BRCA2: variants seen among roughly 807,000 people sequenced by gnomAD.
The protein encoded by BRCA2 is BRCA2 DNA repair associated, also known as breast cancer type 2 susceptibility protein.
A neutral mutation model predicts 276.7 loss-of-function variants in BRCA2; 203 were observed. The observed-to-expected ratio is 0.73, with a 90% confidence interval of 0.65 to 0.82. BRCA2 has a LOEUF of 0.82. BRCA2 is among the 40% of genes least tolerant of loss of function. The probability of loss-of-function intolerance (pLI) is 0.00; values close to 1 mark genes in which losing one functional copy is unlikely to be tolerated. For missense variants in BRCA2, 3,920 were observed against 3,915.0 expected, an observed-to-expected ratio of 1.00 and a Z score of -0.03; for synonymous variants, 1,289 against 1,338.4, an observed-to-expected ratio of 0.96 and a Z score of 0.81.
intron 24 of BRCA2, among the ~76,000 whole-genome samples, chr13:32,391,898 A>G (rs1449137157): frequency 2.0e-5 from 3 of 152,216 alleles, no homozygotes; most frequent in Non-Finnish European, 2.9e-5. Flanking sequence ...TAAAAGTGCA[A>G]TGAGGAAACT....
chr13:32,338,320 A>C lies in BRCA2; in HGVS notation c.3965A>C (p.Asn1322Thr), dbSNP rs80358646. 8.8e-6 allele frequency: 14 copies of C among 1,585,318 alleles called. No individual in the cohort carries two copies. Among genetic ancestry groups the C allele is most frequent in the Non-Finnish European group, 1.2e-5 (14 of 1,168,612 alleles). ...AAGAGAAATACTGAAAATGAAGATA[A>C]CAAATATACTGCTGCCAGTAGAAAT... Reference protein sequence around the residue: ...NYKRNTENEDNKYTAASRNSH... With the variant: ...NYKRNTENEDTKYTAASRNSH... Residue 1322 changes from asparagine (N) to threonine (T), a missense_variant, in exon 11 of 27, where the codon AAC becomes ACC. By Grantham distance (65) the Asn-to-Thr change is moderately conservative. This residue lies in a region of BRCA2 where 3,263 missense variants were observed against 3,156.9 expected (regional missense o/e 1.03). Coordinates refer to ENST00000380152, the MANE Select transcript of BRCA2 (RefSeq NM_000059.4).
At position 32,339,149 on chromosome 13, in the gene BRCA2, C is replaced by T. The variant is rs1294850148; in HGVS notation, c.4794C>T (p.Leu1598=). Residue 1598 remains leucine, a synonymous_variant, in exon 11 of 27, where the codon CTC becomes CTT. Transcript: ENST00000380152. ...APKCKEMQNS[L]NNDKNLVSIE... The stretch of plus-strand genomic sequence containing the variant: ...AGTGTAAAGAAATGCAGAATTCTCT[C>T]AATAATGATAAAAACCTTGTTTCTA... The T allele has an allele frequency of 1.9e-6, 3 of 1,613,900 alleles. No homozygotes were observed. The highest frequency in any genetic ancestry group is 3.3e-5 in the Admixed American group (2 of 60,014).
Position 32,337,279 on chromosome 13 carries a change from T to G in BRCA2, c.2924T>G (p.Ile975Ser), listed in dbSNP as rs398122756. 6.2e-7 allele frequency: 1 copy of G among 1,611,980 alleles called. No individual in the cohort carries two copies. The highest frequency in any genetic ancestry group is 1.7e-5 in the Admixed American group (1 of 59,624). The change falls in exon 11 of 27, where the codon ATC becomes AGC. Residue 975 changes from isoleucine (I) to serine (S), a missense_variant. Around this residue, in one of 2 missense-constraint regions of BRCA2, gnomAD observed 3,263 missense variants for 3,156.9 expected, o/e 1.03. Coordinates refer to ENST00000380152, the MANE Select transcript of BRCA2 (RefSeq NM_000059.4). ...MTLGQDLKSD[I>S]SLNIDKIPEK... ...CTAGGTCAAGATTTAAAATCGGACA[T>G]CTCCTTGAATATAGATAAAATACCA...
chr13:32,355,251 A>T lies in BRCA2; in HGVS notation c.7398A>T (p.Val2466=), dbSNP rs863224311. 1 of 1,613,424 alleles carries T rather than the reference A, an allele frequency of 6.2e-7. No individual in the cohort carries two copies. The highest frequency in any genetic ancestry group is 8.5e-7 in the Non-Finnish European group (1 of 1,179,570). ...QFNKNNSNQA[V]AVTFTKCEEE... ...ACAAAAACAACTCCAATCAAGCAGT[A>T]GCTGTAACTTTCACAAAGTGTGAAG... Residue 2466 remains valine, a synonymous_variant, in exon 14 of 27, where the codon GTA becomes GTT. Coordinates refer to ENST00000380152, the MANE Select transcript of BRCA2 (RefSeq NM_000059.4).
At chr13:32,354,463 C>T (rs944714758) in intron 13 of BRCA2, among the ~76,000 whole-genome samples, 6 of 151,846 alleles carry the variant, frequency 4.0e-5, no homozygotes, top group African/African-American at 9.7e-5. Context: ...GAAAAGGGAG[C>T]GAGGTGGGAT....
chr13:32,344,135 T>A (rs1342238202), intron 11 of BRCA2, among the ~76,000 whole-genome samples: 1 of 149,132 alleles, frequency 6.7e-6, no homozygotes, highest in Admixed American at 6.7e-5. Flanking sequence ...CATAATAAAT[T>A]ACTCCTTCAG....
rs80358897 is a variant in BRCA2, at chr13:32,329,484, A to G, written c.673A>G (p.Thr225Ala). Residue 225 changes from threonine to alanine, a missense_variant, in exon 8 of 27, where the codon ACT (threonine) becomes GCT (alanine). By Grantham distance (58) the Thr-to-Ala change is moderately conservative. This residue lies in a region of BRCA2 where 3,263 missense variants were observed against 3,156.9 expected (regional missense o/e 1.03). Coordinates refer to ENST00000380152, the MANE Select transcript of BRCA2 (RefSeq NM_000059.4). ...EASETVFPHD[T>A]TANVKSYFSN... Reference sequence around the variant, plus strand: ...ATCTGAAACTGTATTTCCTCATGATACTACTGCTGTAAGTAAATATGACAT... The same window carrying G: ...ATCTGAAACTGTATTTCCTCATGATGCTACTGCTGTAAGTAAATATGACAT... The G allele has an allele frequency of 1.9e-6, 3 of 1,597,040 alleles. No individual in the cohort carries two copies. Among genetic ancestry groups the G allele is most frequent in the African/African-American group, 1.3e-5 (1 of 74,584 alleles).
At chr13:32,318,634 G>C (rs1593882050) in intron 2 of BRCA2, among the ~76,000 whole-genome samples, 1 of 152,060 alleles carries the variant, frequency 6.6e-6, no homozygotes, top group African/African-American at 2.4e-5. Flanking sequence ...GTAAAGATGG[G>C]GTTTCAACGT....
At chr13:32,373,016 A>C (rs898366566) in intron 20 of BRCA2, among the ~76,000 whole-genome samples, 2 of 149,974 alleles carry the variant, frequency 1.3e-5, no homozygotes, top group Non-Finnish European at 3.0e-5. Context: ...TTTTTGAGAC[A>C]GGGTCTTGCT....
At chr13:32,397,483 C>G (rs1006471423) in intron 26 of BRCA2, among the ~76,000 whole-genome samples, 2 of 152,162 alleles carry the variant, frequency 1.3e-5, no homozygotes, top group African/African-American at 2.4e-5. Flanking sequence ...CATAACAACC[C>G]TATGAGATAA....
In BRCA2 at chr13:32,363,468, G is replaced by A. The variant is rs1157308308; in HGVS notation, c.8266G>A (p.Ala2756Thr). The change falls in exon 18 of 27, where the codon GCA (alanine) becomes ACA (threonine). Residue 2756 changes from alanine (A) to threonine (T), a missense_variant. Physicochemically the swap from Ala to Thr is moderately conservative, Grantham distance 58. Transcript: ENST00000380152. Reference sequence around the variant, plus strand: ...TGGTCAGAAGATTATTCTTCATGGAGCAGAACTGGTGGGCTCTCCTGATGC... The same window carrying A: ...TGGTCAGAAGATTATTCTTCATGGAACAGAACTGGTGGGCTCTCCTGATGC... Reference protein sequence around the residue: ...TVGQKIILHGAELVGSPDACT... With the variant: ...TVGQKIILHGTELVGSPDACT... 1 of 1,614,138 alleles carries A rather than the reference G, an allele frequency of 6.2e-7. No homozygotes were observed. The highest frequency in any genetic ancestry group is 2.2e-5 in the East Asian group (1 of 44,878).
Position 32,338,962 on chromosome 13 carries a change from A to G in BRCA2, c.4607A>G (p.Lys1536Arg). The G allele has an allele frequency of 6.2e-7, 1 of 1,613,906 alleles. No individual in the cohort carries two copies. Among genetic ancestry groups the G allele is most frequent in the African/African-American group, 1.3e-5 (1 of 75,036 alleles). The change falls in exon 11 of 27, where the codon AAG becomes AGG. Residue 1536 changes from lysine (K) to arginine (R), a missense_variant. Physicochemically the swap from Lys to Arg is conservative, Grantham distance 26. Transcript: ENST00000380152. ...TASGKKVKIAKESLDKVKNLF... is the reference protein window; with the variant it reads ...TASGKKVKIARESLDKVKNLF... ...AGCGGGAAAAAAGTTAAAATTGCAA[A>G]GGAATCTTTGGACAAAGTGAAAAAC...
intron 24 of BRCA2, among the ~76,000 whole-genome samples, chr13:32,382,276 C>T (rs759395269): frequency 2.6e-5 from 4 of 152,110 alleles, no homozygotes; most frequent in Non-Finnish European, 4.4e-5. Context: ...CATTTAAAGC[C>T]GTGAGACTGG....
chr13:32,356,064 CAG>C (rs987999124), intron 14 of BRCA2, among the ~76,000 whole-genome samples: 4 of 148,550 alleles, frequency 2.7e-5, no homozygotes, highest in Non-Finnish European at 4.5e-5. Context: ...TTTTTTGAGA[CAG>C]AGTTTCGCTC....
chr13:32,329,121 TAA>T (rs2072370332), intron 7 of BRCA2, among the ~76,000 whole-genome samples: 2 of 152,234 alleles, frequency 1.3e-5, no homozygotes, highest in Non-Finnish European at 2.9e-5. Context: ...AAATGAATGC[TAA>T]AGTCTCCAAG....
intron 9 of BRCA2, 72 bp from the exon 10 acceptor site, chr13:32,332,199 GA>G (rs1331039224): frequency 7.3e-7 from 1 of 1,373,106 alleles, no homozygotes; most frequent in Non-Finnish European, 1.0e-6. Flanking sequence ...GTTTCTATGA[GA>G]AAGGTTGTGA....
At chr13:32,356,235 A>T (rs1160422942) in intron 14 of BRCA2, among the ~76,000 whole-genome samples, 193 bp from the exon 15 acceptor site, 2 of 145,666 alleles carry the variant, frequency 1.4e-5, no homozygotes, top group African/African-American at 5.0e-5. Flanking sequence ...ACTTTTATAT[A>T]TTTTTTTTTT....
chr13:32,371,410 G>A (rs1383146754), intron 20 of BRCA2, among the ~76,000 whole-genome samples: 1 of 151,952 alleles, frequency 6.6e-6, no homozygotes, highest in African/African-American at 2.4e-5. Context: ...ACCTATTGTG[G>A]TGTCAATTTT....
intron 11 of BRCA2, among the ~76,000 whole-genome samples, chr13:32,341,997 G>C (rs895745766): frequency 3.3e-5 from 5 of 152,052 alleles, no homozygotes; most frequent in Non-Finnish European, 7.4e-5. Flanking sequence ...TGAGGGCTGG[G>C]CGTGGCGCTC....
Sources: allele counts gnomAD v4.1 joint callset (sites outside exome capture counted in the v4.1 genomes callset), GRCh38; gene constraint gnomAD v4.1.1; regional missense constraint gnomAD v4.1.1; transcripts MANE v1.5; gene names NCBI Gene and HGNC (gene_info 2026-07-23, HGNC 2026-07-21).